The following RHBDF1 variants were observed in gnomAD, a reference collection of about 807,000 sequenced individuals.
The protein encoded by RHBDF1 is inactive rhomboid protein 1.
A neutral mutation model predicts 98.6 loss-of-function variants in RHBDF1; 80 were observed. The observed-to-expected ratio is 0.81, with a 90% confidence interval of 0.68 to 0.98. The LOEUF (loss-of-function observed/expected upper bound fraction) is 0.98, where lower values mean the gene tolerates loss of function less well. Among genes scored for constraint, RHBDF1 ranks in the 50% least tolerant of loss-of-function variants. The pLI is 0.00. For synonymous variants in RHBDF1, 512 were observed against 486.8 expected (o/e 1.05, Z -0.68); for missense variants, 1,116 against 1,198.3 (o/e 0.93, Z 1.01).
intron 17 of RHBDF1, 49 bp from the exon 18 acceptor site, chr16:58,808 C>G (rs554498307): frequency 8.8e-6 from 14 of 1,587,700 alleles, no homozygotes; most frequent in Middle Eastern, 3.4e-4. Flanking sequence ...GGGCAGGCCC[C>G]CTGGACCCAA....
rs922710560 is a variant in RHBDF1, at chr16:60,096, C to A, written c.1722+120G>T. 3.2e-6 allele frequency: 5 copies of A among 1,556,288 alleles called. No homozygotes were observed. In the African/African-American group the frequency reaches 5.4e-5, roughly 17 times the overall value. On this transcript the variant is annotated intron_variant, in intron 13 of 17. Coordinates refer to ENST00000262316, the MANE Select transcript of RHBDF1 (RefSeq NM_022450.5). The stretch of plus-strand genomic sequence containing the variant: ...GGCTGTACAAAGGGCAGGTGCACAG[C>A]CTCTGAAAACGTGAGGTGGTCCCAT...
rs1897606934 is a variant in RHBDF1, at chr16:61,286, G to C, written c.1396-5C>G. On this transcript the variant is annotated splice_region_variant and splice_polypyrimidine_tract_variant and intron_variant, in intron 10 of 17. Transcript: ENST00000262316. Reference sequence around the variant, plus strand: ...GCCCAGGTGGATGAGGGCCTCCTGCGGGCGAGGGAGACGAGCGGCCGCAGT... The same window carrying C: ...GCCCAGGTGGATGAGGGCCTCCTGCCGGCGAGGGAGACGAGCGGCCGCAGT... 13 of 1,543,072 alleles carry C rather than the reference G, an allele frequency of 8.4e-6. No homozygotes were observed. In the East Asian group the frequency reaches 2.7e-4, roughly 32 times the overall value.
rs764895253 is a variant in RHBDF1, at chr16:63,096, C to T, written c.549G>A (p.Thr183=). ...AGGAGCAGAGGGAGGCAGCACCCGGCGTGACGGGAGTGTGTGGGGCACTCA... is the reference window on the plus strand; with the variant it reads ...AGGAGCAGAGGGAGGCAGCACCCGGTGTGACGGGAGTGTGTGGGGCACTCA... ...EGLSAPHTPV[T]PGAASLCSFS... Residue 183 remains threonine (T), a synonymous_variant, in exon 5 of 18, where the codon ACG becomes ACA. Coordinates refer to ENST00000262316, the MANE Select transcript of RHBDF1 (RefSeq NM_022450.5). 1.1e-5 allele frequency: 17 copies of T among 1,609,796 alleles called. No individual in the cohort carries two copies. Among genetic ancestry groups the T allele is most frequent in the Admixed American group, 6.8e-5 (4 of 59,128 alleles).
At chr16:62,432 G>T (rs1365149525) in intron 7 of RHBDF1, 106 bp downstream of exon 7, 1 of 1,435,782 alleles carries the variant, frequency 7.0e-7, no homozygotes, top group African/African-American at 1.4e-5. Flanking sequence ...AGTCCCTGAG[G>T]CTACCCCTTC....
chr16:72,850 C>G (rs2541637), upstream of RHBDF1, among the ~76,000 whole-genome samples: 136,798 of 152,170 alleles, frequency 0.9, 61,725 homozygotes, highest in African/African-American at 0.97. Flanking sequence ...GGGAGCGGAC[C>G]GCAGTGTCAG....
chr16:70,585 C>G (rs1308040486), intron 1 of RHBDF1, among the ~76,000 whole-genome samples: 2 of 152,218 alleles, frequency 1.3e-5, no homozygotes, highest in Admixed American at 6.5e-5. Context: ...CAAACCAGAT[C>G]CTGACTGATC....
At position 64,952 on chromosome 16, in the gene RHBDF1, G is replaced by A. The variant is rs1897788368; in HGVS notation, c.64C>T (p.Leu22=). 4.4e-6 allele frequency: 7 copies of A among 1,580,000 alleles called. No homozygotes were observed. The highest frequency in any genetic ancestry group is 6.0e-6 in the Non-Finnish European group (7 of 1,159,466). Residue 22 remains leucine, a synonymous_variant, in exon 2 of 18, where the codon CTG becomes TTG. Coordinates refer to ENST00000262316, the MANE Select transcript of RHBDF1 (RefSeq NM_022450.5). ...LQRKKPPWLK[L]DIPSAVPLTA... Reference sequence around the variant, plus strand: ...AGGGGCACCGCAGAGGGAATGTCCAGCTTTAGCCAGGGTGGCTTCTTGCGC... The same window carrying A: ...AGGGGCACCGCAGAGGGAATGTCCAACTTTAGCCAGGGTGGCTTCTTGCGC...
At chr16:68,610 C>T (rs931155527) in intron 1 of RHBDF1, among the ~76,000 whole-genome samples, 1 of 152,142 alleles carries the variant, frequency 6.6e-6, no homozygotes. Flanking sequence ...CAGCCCAGGC[C>T]CAGCCCCATC....
Position 64,831 on chromosome 16 carries a change from T to C in RHBDF1, c.118-2A>G, listed in dbSNP as rs752738743. 1 of 1,614,034 alleles carries C rather than the reference T, an allele frequency of 6.2e-7. No homozygotes were observed. Among genetic ancestry groups the C allele is most frequent in the Admixed American group, 1.7e-5 (1 of 60,024 alleles). On this transcript the variant is annotated splice_acceptor_variant, in intron 2 of 17. Transcript: ENST00000262316. LOFTEE classifies it high-confidence loss of function. ...CAGGAAAGCCTGTCGCCTCAGGGGC[T>C]GGGCAACAGGGTCATGGTGAGGGTA...
Position 63,838 on chromosome 16 carries a change from G to A in RHBDF1, c.249-38C>T, listed in dbSNP as rs185831319. The A allele has an allele frequency of 8.0e-4, 1,255 of 1,573,188 alleles. 8 individuals are homozygous for A. The Middle Eastern group carries it at 0.025, about 32-fold the overall frequency. Reference sequence around the variant, plus strand: ...GGACTCAGCAAGGGGCGGCCAGATCGCCCCTCCCAGGCAGGGGACTTCAAA... The same window carrying A: ...GGACTCAGCAAGGGGCGGCCAGATCACCCCTCCCAGGCAGGGGACTTCAAA... On this transcript the variant is annotated intron_variant, in intron 3 of 17. Transcript: ENST00000262316.
chr16:68,538 C>A (rs572456220), intron 1 of RHBDF1, among the ~76,000 whole-genome samples: 8 of 152,348 alleles, frequency 5.3e-5, no homozygotes, highest in African/African-American at 1.9e-4. Context: ...CCGTGGCCCA[C>A]GGAAGGCCTC....
At chr16:73,857 G>C (rs1596479435), upstream of RHBDF1, 1 of 854,804 alleles carries the variant, frequency 1.2e-6, no homozygotes, top group East Asian at 1.2e-4. Flanking sequence ...GCAGACAATG[G>C]CCTGCTCCTT....
chr16:64,640 G>C (rs1482703217), intron 3 of RHBDF1, 59 bp downstream of exon 3: 1 of 1,566,504 alleles, frequency 6.4e-7, no homozygotes, highest in African/African-American at 1.4e-5. Context: ...CTGTGTACCT[G>C]CCTCTGCCCC....
Position 63,010 on chromosome 16 carries a change from GCCA to G in RHBDF1, c.632_634del (p.Val211del). Reference sequence around the variant, plus strand: ...TGCGGCCGCCCGGAAGCTCATCTTGGCCACCGACTCTCGCTTGCGCCGCCGCGG... The same window carrying G: ...TGCGGCCGCCCGGAAGCTCATCTTGGCCGACTCTCGCTTGCGCCGCCGCGG... On this transcript the variant is annotated inframe_deletion, in exon 5 of 18. Transcript: ENST00000262316. The G allele has an allele frequency of 1.9e-6, 3 of 1,612,250 alleles. No homozygotes were observed. The highest frequency in any genetic ancestry group is 2.5e-6 in the Non-Finnish European group (3 of 1,179,542).
chr16:75,828 G>C (rs1898076599), upstream of RHBDF1, among the ~76,000 whole-genome samples: 1 of 152,096 alleles, frequency 6.6e-6, no homozygotes, highest in Non-Finnish European at 1.5e-5. Flanking sequence ...GCTGTGTAGA[G>C]GAGTCCATGG....
At position 62,060 on chromosome 16, in the gene RHBDF1, G is replaced by A. The variant is rs1390417006; in HGVS notation, c.954-8C>T. 3 of 1,450,422 alleles carry A rather than the reference G, an allele frequency of 2.1e-6. No homozygotes were observed. The highest frequency in any genetic ancestry group is 2.7e-6 in the Non-Finnish European group (3 of 1,105,716). The allele number at this position is 1,450,422 out of a possible 1,614,324, so 89.8% of individuals were successfully genotyped here. On this transcript the variant is annotated splice_polypyrimidine_tract_variant and splice_region_variant and intron_variant, in intron 7 of 17. Coordinates refer to ENST00000262316, the MANE Select transcript of RHBDF1 (RefSeq NM_022450.5). ...CAGCCTCGCTCCAAGGGCCTGGAGGGAGCCGGCATTCACCTCCCGCCCCAG... is the reference window on the plus strand; with the variant it reads ...CAGCCTCGCTCCAAGGGCCTGGAGGAAGCCGGCATTCACCTCCCGCCCCAG...
chr16:60,863 C>G (rs749177373), intron 11 of RHBDF1, among the ~76,000 whole-genome samples: 3 of 152,076 alleles, frequency 2.0e-5, no homozygotes, highest in Non-Finnish European at 4.4e-5. Context: ...GCAAATACCA[C>G]TTATGTAAGC....
Position 58,467 on chromosome 16 carries a change from A to G in RHBDF1, c.2441T>C (p.Leu814Pro). ...GAAGAGGACCACCAGGCCAGCCAGGAGGCCCAGGAAGACCACCTGAAAGAT... is the reference window on the plus strand; with the variant it reads ...GAAGAGGACCACCAGGCCAGCCAGGGGGCCCAGGAAGACCACCTGAAAGAT... ...IIIFQVVFLG[L>P]LAGLVVLFYV... The change falls in exon 18 of 18, where the codon CTC becomes CCC. Residue 814 changes from leucine to proline, a missense_variant. Physicochemically the swap from Leu to Pro is moderately conservative, Grantham distance 98 (BLOSUM62 -3). Transcript: ENST00000262316. The G allele has an allele frequency of 6.2e-7, 1 of 1,614,132 alleles. No individual in the cohort carries two copies. Among genetic ancestry groups the G allele is most frequent in the East Asian group, 2.2e-5 (1 of 44,888 alleles).
At chr16:72,057 G>A (rs987314311) in intron 1 of RHBDF1, among the ~76,000 whole-genome samples, 1 of 152,230 alleles carries the variant, frequency 6.6e-6, no homozygotes, top group Non-Finnish European at 1.5e-5. Flanking sequence ...TCCCGCCCTG[G>A]GCTGGAGTTT....
Sources: gnomAD v4.1 joint callset for allele counts (sites outside exome capture counted in the v4.1 genomes callset) on GRCh38, gnomAD v4.1.1 for gene constraint, MANE v1.5 for transcripts, NCBI Gene and HGNC (gene_info 2026-07-23, HGNC 2026-07-21) for gene names.